The following FBXO24 variants were observed in gnomAD, a reference collection of about 807,000 sequenced individuals.
FBXO24 encodes the protein F-box protein 24, also known as F-box only protein 24.
A neutral mutation model predicts 63.5 loss-of-function variants in FBXO24; 30 were observed. The ratio of observed to expected loss-of-function variants is 0.47; its 90% confidence interval spans 0.35 to 0.64. The LOEUF is 0.64. Among genes scored for constraint, FBXO24 ranks in the 30% least tolerant of loss-of-function variants. The probability of loss-of-function intolerance (pLI) is 0.00; values close to 1 mark genes in which losing one functional copy is unlikely to be tolerated. For synonymous variants in FBXO24, 300 were observed against 305.0 expected, an observed-to-expected ratio of 0.98 and a Z score of 0.17; for missense variants, 624 against 763.4, an observed-to-expected ratio of 0.82 and a Z score of 2.15.
chr7:100,589,804 T>C lies in FBXO24; in HGVS notation c.40-173T>C, dbSNP rs751164800. ...GAGGAGGGGCTCCGGGTGAGGGGGA[T>C]TGGCCGCAGGAGATCGGGAGGAGTT... On this transcript the variant is annotated intron_variant, in intron 1 of 9. Transcript: ENST00000241071. 1.8e-5 allele frequency: 27 copies of C among 1,518,600 alleles called. No individual in the cohort carries two copies. In the Admixed American group the frequency reaches 3.2e-4, roughly 18 times the overall value. 94.1% of individuals were successfully genotyped at this position (1,518,600 alleles called of 1,614,324 possible).
intron 5 of FBXO24, 144 bp downstream of exon 5, chr7:100,593,161 C>G: frequency 1.6e-6 from 1 of 638,890 alleles, no homozygotes; most frequent in Non-Finnish European, 2.7e-6. Flanking sequence ...CTGCCCTTCT[C>G]TGTCTCCTAG....
chr7:100,588,564 A>T (rs528772758), intron 1 of FBXO24, among the ~76,000 whole-genome samples: 13 of 152,172 alleles, frequency 8.5e-5, no homozygotes, highest in Non-Finnish European at 1.5e-4. Context: ...GTCTGGCAGG[A>T]TGGGACTCCT....
intron 8 of FBXO24, among the ~76,000 whole-genome samples, chr7:100,597,893 GTT>G (rs556578958): frequency 4.5e-5 from 6 of 134,822 alleles, no homozygotes; most frequent in Non-Finnish European, 4.8e-5. Flanking sequence ...TGTTTTTTTT[GTT>G]TTTTTTTTTT....
At chr7:100,589,125 C>T (rs1431345845) in intron 1 of FBXO24, among the ~76,000 whole-genome samples, 1 of 152,156 alleles carries the variant, frequency 6.6e-6, no homozygotes, top group African/African-American at 2.4e-5. Flanking sequence ...GCCACCGGCA[C>T]CAGGCTGCAG....
At chr7:100,586,812 G>A in intron 1 of FBXO24, 148 bp downstream of exon 1, 2 of 836,978 alleles carry the variant, frequency 2.4e-6, no homozygotes, top group Admixed American at 4.0e-5. Context: ...TCGGGCGACT[G>A]CTTGAGGCCA....
chr7:100,592,035 C>T (rs1212111766), intron 4 of FBXO24, 133 bp downstream of exon 4: 19 of 852,196 alleles, frequency 2.2e-5, no homozygotes, highest in Admixed American at 6.9e-5. Context: ...CTGAGGCAGG[C>T]GGATCAGCTG....
At chr7:100,599,713 A>T (rs1425092392) in intron 8 of FBXO24, 1 of 296,780 alleles carries the variant, frequency 3.4e-6, no homozygotes, top group Non-Finnish European at 6.4e-6. Flanking sequence ...GCTGGCAGGC[A>T]GGATGAGAGG....
intron 8 of FBXO24, among the ~76,000 whole-genome samples, chr7:100,597,950 C>G (rs1356255313): frequency 6.8e-6 from 1 of 147,198 alleles, no homozygotes; most frequent in Non-Finnish European, 1.5e-5. Context: ...ATATTGAACT[C>G]ATGGCTTTAA....
In FBXO24 at chr7:100,600,567, A is replaced by G; in HGVS notation, c.1411A>G (p.Arg471Gly). 6.3e-7 allele frequency: 1 copy of G among 1,586,980 alleles called. No individual in the cohort carries two copies. Among genetic ancestry groups the G allele is most frequent in the Non-Finnish European group, 8.6e-7 (1 of 1,163,872 alleles). The change falls in exon 10 of 10, where the codon AGG (arginine) becomes GGG (glycine). Residue 471 changes from arginine (R) to glycine (G), a missense_variant. By Grantham distance (125) the Arg-to-Gly change is moderately radical. Around this residue, in one of 3 missense-constraint regions of FBXO24, gnomAD observed 216 missense variants for 245.2 expected, o/e 0.88. Coordinates refer to ENST00000241071, the MANE Select transcript of FBXO24 (RefSeq NM_033506.3). This position sits in a 1 kb window ranked among gnomAD's most constrained non-coding sequence, Gnocchi z 6.3. Reference sequence around the variant, plus strand: ...GTGTGCCTGTGCCCTCTGTGCCACCAGGGAGTGCCTATACATCCTGTCCAG... The same window carrying G: ...GTGTGCCTGTGCCCTCTGTGCCACCGGGGAGTGCCTATACATCCTGTCCAG... ...PLCACALCAT[R>G]ECLYILSSHD...
chr7:100,595,740 C>A, intron 8 of FBXO24, 34 bp downstream of exon 8: 2 of 1,543,782 alleles, frequency 1.3e-6, no homozygotes, highest in Admixed American at 3.8e-5. Flanking sequence ...TCATCCCAAC[C>A]CCTTTCCTCC....
In FBXO24 at chr7:100,589,973, G is replaced by T; in HGVS notation, c.40-4G>T. The T allele has an allele frequency of 1.2e-6, 2 of 1,612,376 alleles. No individual in the cohort carries two copies. The highest frequency in any genetic ancestry group is 2.2e-5 in the South Asian group (2 of 90,832). Reference sequence around the variant, plus strand: ...TGGGACCCTATGCACCCCTTCTTGGGTAGGTGAAGAGAAGCTGCCCTTCTT... The same window carrying T: ...TGGGACCCTATGCACCCCTTCTTGGTTAGGTGAAGAGAAGCTGCCCTTCTT... On this transcript the variant is annotated splice_polypyrimidine_tract_variant and splice_region_variant and intron_variant, in intron 1 of 9. Coordinates refer to ENST00000241071, the MANE Select transcript of FBXO24 (RefSeq NM_033506.3).
chr7:100,589,832 T>C (rs1437183535), intron 1 of FBXO24, 145 bp from the exon 2 acceptor site: 6 of 1,522,288 alleles, frequency 3.9e-6, no homozygotes, highest in African/African-American at 1.4e-5. Flanking sequence ...GAGGAGTTAT[T>C]TGGAGAAGTT....
At chr7:100,592,739 A>T (rs1210426310) in intron 4 of FBXO24, 44 bp from the exon 5 acceptor site, 9 of 1,533,256 alleles carry the variant, frequency 5.9e-6, no homozygotes, top group Non-Finnish European at 8.1e-6. Context: ...GCCCCATCCC[A>T]TTTTGAAACT....
chr7:100,588,123 C>T (rs537770250), intron 1 of FBXO24, among the ~76,000 whole-genome samples: 2 of 152,294 alleles, frequency 1.3e-5, no homozygotes, highest in Non-Finnish European at 2.9e-5. Context: ...AAGCAATGCT[C>T]CCACCTCGGC....
intron 8 of FBXO24, among the ~76,000 whole-genome samples, chr7:100,596,550 G>A (rs1391182055): frequency 2.6e-5 from 4 of 152,110 alleles, no homozygotes; most frequent in Non-Finnish European, 5.9e-5. Flanking sequence ...CCCCCAAGAG[G>A]TGACTGAGAA....
At chr7:100,597,032 ACT>A (rs1402049055) in intron 8 of FBXO24, among the ~76,000 whole-genome samples, 2 of 152,068 alleles carry the variant, frequency 1.3e-5, no homozygotes, top group Non-Finnish European at 2.9e-5. Flanking sequence ...ACGGAGAGAG[ACT>A]CTGTCTCAAA....
At chr7:100,589,937 T>C in intron 1 of FBXO24, 40 bp from the exon 2 acceptor site, 2 of 1,589,224 alleles carry the variant, frequency 1.3e-6, no homozygotes, top group Non-Finnish European at 1.7e-6. Flanking sequence ...AAAAAGGATG[T>C]GGGACCCTCA....
intron 8 of FBXO24, among the ~76,000 whole-genome samples, chr7:100,599,153 C>A (rs1802457351): frequency 1.3e-5 from 2 of 152,166 alleles, no homozygotes; most frequent in South Asian, 4.1e-4. Context: ...ACTCAGGAGG[C>A]TGAGGCAGAA....
chr7:100,588,153 A>G (rs950608737), intron 1 of FBXO24, among the ~76,000 whole-genome samples: 11 of 152,220 alleles, frequency 7.2e-5, no homozygotes, highest in South Asian at 4.1e-4. Context: ...TGCTGGGATT[A>G]TAAGCGTGAG....
Sources: gnomAD v4.1 joint callset for allele counts (sites outside exome capture counted in the v4.1 genomes callset) on GRCh38, gnomAD v4.1.1 for gene constraint, gnomAD v4.1.1 regional missense constraint, Gnocchi (gnomAD v3.1) non-coding constraint, MANE v1.5 for transcripts, NCBI Gene and HGNC (gene_info 2026-07-23, HGNC 2026-07-21) for gene names.